Variants in LAMA4 observed in about 807,000 individuals in gnomAD.
LAMA4 encodes the protein laminin subunit alpha 4, also known as laminin subunit alpha-4.
LAMA4 carries 127 observed loss-of-function variants against 207.1 expected under a neutral mutation model. The ratio of observed to expected loss-of-function variants is 0.61; its 90% CI spans 0.53 to 0.71. The LOEUF is 0.71. Ranked by LOEUF, LAMA4 falls within the 30% of genes least tolerant of loss-of-function variation. LAMA4 has a pLI of 0.00. For synonymous variants in LAMA4, 761 were observed against 816.0 expected (o/e 0.93, Z 1.15); for missense variants, 2,093 against 2,246.5 (o/e 0.93, Z 1.38).
intron 8 of LAMA4, chr6:112,187,172 G>A (rs1461867964): frequency 5.8e-6 from 3 of 520,418 alleles, no homozygotes; most frequent in Admixed American, 3.1e-5. Flanking sequence ...TCTTTCCTCA[G>A]TAGTTTTGGG....
intron 2 of LAMA4, among the ~76,000 whole-genome samples, chr6:112,230,096 G>T (rs1270011946): frequency 6.6e-6 from 1 of 152,028 alleles, no homozygotes; most frequent in African/African-American, 2.4e-5. Flanking sequence ...CATACAAAAT[G>T]GCTAGGATAT....
rs547813378 is a variant in LAMA4 at position 112,210,367 on chromosome 6, A to G, written c.298-3222T>C. ...AAAAGTTCATTTTTTAATAAAACTG[A>G]CTCCACTTAAAAATGAAATTAGCAT... On this transcript the variant is annotated intron_variant, in intron 3 of 38. Coordinates refer to ENST00000230538, the MANE Select transcript of LAMA4 (RefSeq NM_001105206.3). Among the ~76,000 whole-genome samples the G allele has an allele frequency of 8.4e-4, 128 of 152,168 alleles. 3 individuals are homozygous for G. In the South Asian group the frequency reaches 0.017, roughly 20 times the overall value.
Position 112,191,701 on chromosome 6 carries a change from C to G in LAMA4, c.653G>C (p.Gly218Ala). The change falls in exon 6 of 39, where the codon GGA becomes GCA. Residue 218 changes from glycine (G) to alanine (A), a missense_variant. Physicochemically the swap from Gly to Ala is moderately conservative, Grantham distance 60. Coordinates refer to ENST00000230538, the MANE Select transcript of LAMA4 (RefSeq NM_001105206.3). ...AGGAGCGCAACGTTCACACTTGAAT[C>G]CGGTGGTGTTGCGTAAGCAATTCCT... ...QCRNCLRNTTGFKCERCAPGY... is the reference protein window; with the variant it reads ...QCRNCLRNTTAFKCERCAPGY... 1 of 1,614,094 alleles carries G rather than the reference C, an allele frequency of 6.2e-7. No individual in the cohort carries two copies. Among genetic ancestry groups the G allele is most frequent in the South Asian group, 1.1e-5 (1 of 91,082 alleles).
intron 29 of LAMA4, chr6:112,130,304 G>T (rs962298245): frequency 5.0e-6 from 2 of 399,534 alleles, no homozygotes; most frequent in African/African-American, 2.4e-5. Flanking sequence ...TTATTTTTGT[G>T]TGTGTGTGTG....
intron 10 of LAMA4, among the ~76,000 whole-genome samples, chr6:112,176,410 G>A (rs1242754403): frequency 6.6e-6 from 1 of 152,194 alleles, no homozygotes; most frequent in Non-Finnish European, 1.5e-5. Flanking sequence ...TGGTTGACCA[G>A]ACAAGATGGG....
chr6:112,153,449 A>G (rs1780514003), intron 16 of LAMA4, among the ~76,000 whole-genome samples: 1 of 152,150 alleles, frequency 6.6e-6, no homozygotes, highest in Non-Finnish European at 1.5e-5. Context: ...AAATATTCAA[A>G]CAGGCTAATG....
rs782121800 is a variant in LAMA4 at position 112,155,605 on chromosome 6, G to A, written c.1919C>T (p.Thr640Ile). 1 of 1,614,114 alleles carries A rather than the reference G, an allele frequency of 6.2e-7. No individual in the cohort carries two copies. Among genetic ancestry groups the A allele is most frequent in the East Asian group, 2.2e-5 (1 of 44,880 alleles). The change falls in exon 15 of 39, where the codon ACA (threonine) becomes ATA (isoleucine). Residue 640 changes from threonine (T) to isoleucine (I), a missense_variant. Physicochemically the swap from Thr to Ile is moderately conservative, Grantham distance 89 (BLOSUM62 -1). Around this residue, in one of 3 missense-constraint regions of LAMA4, gnomAD observed 1,704 missense variants for 1,788.4 expected, o/e 0.95. Coordinates refer to ENST00000230538, the MANE Select transcript of LAMA4 (RefSeq NM_001105206.3). ...AGTGGTGTTCAAAGCAAATTCTGCT[G>A]TTTCATTGGCTTCACTAACATAATT... ...IVNYVSEANETAEFALNTTDR... is the reference protein window; with the variant it reads ...IVNYVSEANEIAEFALNTTDR...
chr6:112,244,631 T>C (rs1786775722), intron 2 of LAMA4, among the ~76,000 whole-genome samples: 1 of 152,176 alleles, frequency 6.6e-6, no homozygotes, highest in African/African-American at 2.4e-5. Context: ...GAACTCCAAT[T>C]TGGGGGTTTA....
Position 112,150,533 on chromosome 6 carries a change from C to A in LAMA4, c.2151G>T (p.Lys717Asn). 6.2e-7 allele frequency: 1 copy of A among 1,612,310 alleles called. No homozygotes were observed. The highest frequency in any genetic ancestry group is 8.5e-7 in the Non-Finnish European group (1 of 1,178,382). The change falls in exon 17 of 39, where the codon AAG becomes AAT. Residue 717 changes from lysine (K) to asparagine (N), a missense_variant. Lys to Asn is a moderately conservative substitution (Grantham distance 94). Transcript: ENST00000230538. ...ALKTRLSDAV[K>N]QLQAAERGDA... is the part of the protein sequence containing the mutation. Reference sequence around the variant, plus strand: ...TACCTCTCTCTGCTGCTTGTAGTTGCTTAACGGCATCACTGAGTCTGGTTT... The same window carrying A: ...TACCTCTCTCTGCTGCTTGTAGTTGATTAACGGCATCACTGAGTCTGGTTT...
rs114100720 is a variant in LAMA4, at chr6:112,213,926, C to T, written c.297+2442G>A. ...GAGAGAAATGAGGTAAGTCAGGCAACCTGCAAGAACTGACTGAAACACTGG... is the reference window on the plus strand; with the variant it reads ...GAGAGAAATGAGGTAAGTCAGGCAATCTGCAAGAACTGACTGAAACACTGG... On this transcript the variant is annotated intron_variant, in intron 3 of 38. Coordinates refer to ENST00000230538, the MANE Select transcript of LAMA4 (RefSeq NM_001105206.3). The T allele has an allele frequency of 0.01, 5,839 of 571,736 alleles. 324 individuals carry two copies. The Admixed American group carries it at 0.1, about 10-fold the overall frequency. The allele number at this position is 571,736 out of a possible 1,614,324, so 35.4% of individuals were successfully genotyped here.
At chr6:112,114,578 A>G (rs1226766814) in intron 37 of LAMA4, 85 bp downstream of exon 37, 4 of 896,018 alleles carry the variant, frequency 4.5e-6, no homozygotes, top group South Asian at 1.3e-5. Context: ...TGCATTACCT[A>G]TCATATAAGT....
chr6:112,134,948 A>T (rs2345806), intron 25 of LAMA4, among the ~76,000 whole-genome samples: 60,857 of 150,518 alleles, frequency 0.4, 12,877 homozygotes, highest in East Asian at 0.68. Context: ...TTTTTTTTTA[A>T]AAAAACAACT....
chr6:112,187,347 C>T, intron 8 of LAMA4, 103 bp downstream of exon 8: 1 of 1,300,004 alleles, frequency 7.7e-7, no homozygotes, highest in Non-Finnish European at 1.1e-6. Flanking sequence ...ACCTGTAATA[C>T]AGGTATGAGA....
chr6:112,192,784 T>TG (rs1783193417), intron 5 of LAMA4, among the ~76,000 whole-genome samples: 1 of 152,196 alleles, frequency 6.6e-6, no homozygotes, highest in Non-Finnish European at 1.5e-5. Context: ...AAAGCTGCCG[T>TG]GCAGGGCAGC....
chr6:112,224,369 T>C (rs1554361698), intron 2 of LAMA4, among the ~76,000 whole-genome samples: 1 of 152,196 alleles, frequency 6.6e-6, no homozygotes, highest in African/African-American at 2.4e-5. Flanking sequence ...TCCCCTTTAT[T>C]TCCTTCTTCT....
intron 3 of LAMA4, among the ~76,000 whole-genome samples, chr6:112,210,742 AT>A (rs1784315015): frequency 1.3e-5 from 2 of 152,310 alleles, no homozygotes; most frequent in African/African-American, 4.8e-5. Flanking sequence ...AACACAAGAT[AT>A]CACACAGATT....
chr6:112,118,788 T>C lies in LAMA4; in HGVS notation c.4821+368A>G, dbSNP rs1778176730. On this transcript the variant is annotated intron_variant, in intron 34 of 38. Transcript: ENST00000230538. This position sits in a 1 kb window ranked among gnomAD's most constrained non-coding sequence, Gnocchi z 4.6. ...TAGTTTGCATAATGACCTGAAACTT[T>C]TTTTTTCACTCAATAATGTATAATG... 1.3e-5 allele frequency among the ~76,000 whole-genome samples: 2 copies of C among 152,048 alleles called. 1 individual carries two copies. Among genetic ancestry groups the C allele is most frequent in the South Asian group, 4.1e-4 (2 of 4,822 alleles).
intron 16 of LAMA4, among the ~76,000 whole-genome samples, chr6:112,154,537 CAT>C (rs1163179465): frequency 3.0e-5 from 4 of 134,566 alleles, no homozygotes; most frequent in African/African-American, 9.1e-5. Context: ...TATTTTAGGA[CAT>C]TTTTCCCCTA....
chr6:112,177,151 T>C (rs1554344039), intron 10 of LAMA4, among the ~76,000 whole-genome samples: 1 of 152,222 alleles, frequency 6.6e-6, no homozygotes, highest in African/African-American at 2.4e-5. Context: ...AACTCAAAAA[T>C]ATGAGCCATG....
Sources: gnomAD v4.1 joint callset for allele counts (sites outside exome capture counted in the v4.1 genomes callset) on GRCh38, gnomAD v4.1.1 for gene constraint, gnomAD v4.1.1 regional missense constraint, Gnocchi (gnomAD v3.1) non-coding constraint, MANE v1.5 for transcripts, NCBI Gene and HGNC (gene_info 2026-07-23, HGNC 2026-07-21) for gene names.